ALKBH8: variants seen among roughly 807,000 people sequenced by gnomAD.
The protein encoded by ALKBH8 is tRNA (carboxymethyluridine(34)-5-O)-methyltransferase ALKBH8.
ALKBH8 carries 36 observed loss-of-function variants against 59.8 expected under a neutral mutation model. The ratio of observed to expected loss-of-function variants is 0.60; its 90% CI spans 0.46 to 0.79. The LOEUF (loss-of-function observed/expected upper bound fraction) is 0.79. ALKBH8 is among the 30% of genes least tolerant of loss of function. ALKBH8 has a pLI of 0.00. For missense variants in ALKBH8, 768 were observed against 801.0 expected (o/e 0.96, Z 0.50); for synonymous variants, 276 against 273.6 (o/e 1.01, Z -0.09).
Position 107,504,659 on chromosome 11 carries a change from C to T in ALKBH8, c.1994G>A (p.Ter665=), listed in dbSNP as rs1350103838. 1 of 1,543,944 alleles carries T rather than the reference C, an allele frequency of 6.5e-7. No individual in the cohort carries two copies. The highest frequency in any genetic ancestry group is 2.0e-5 in the Admixed American group (1 of 49,142). The part of the protein sequence containing the change: ...GNWCVILQKA[*] ...TATATGATGTGTTCAGGTAAATAAT[C>T]AGGCCTTTTGAAGAATCACACACCA... Residue 665 remains the stop codon, a stop_retained_variant, in exon 12 of 12, where the codon TGA becomes TAA. Coordinates refer to ENST00000428149, the MANE Select transcript of ALKBH8 (RefSeq NM_138775.3).
intron 8 of ALKBH8, among the ~76,000 whole-genome samples, chr11:107,526,114 C>T (rs1863342342): frequency 6.6e-6 from 1 of 151,972 alleles, no homozygotes; most frequent in South Asian, 2.1e-4. Context: ...TCTTGGGTAA[C>T]TACCTAGGAG....
At chr11:107,553,746 C>T in intron 4 of ALKBH8, 101 bp downstream of exon 4, 4 of 1,294,242 alleles carry the variant, frequency 3.1e-6, no homozygotes, top group Non-Finnish European at 4.2e-6. Flanking sequence ...GGGCTAGTTT[C>T]AGTAATTTTG....
intron 9 of ALKBH8, among the ~76,000 whole-genome samples, chr11:107,523,222 G>A (rs556590523): frequency 2.0e-5 from 3 of 152,242 alleles, no homozygotes; most frequent in South Asian, 4.1e-4. Flanking sequence ...GCCTATCAGT[G>A]AATGAATGGA....
intron 10 of ALKBH8, among the ~76,000 whole-genome samples, chr11:107,516,930 G>A (rs477206): frequency 0.54 from 81,232 of 151,828 alleles, 22,398 homozygotes; most frequent in Non-Finnish European, 0.57. Flanking sequence ...AGGCTGAGGT[G>A]GGAGGATCAA....
chr11:107,541,322 A>G (rs1276581098), intron 7 of ALKBH8, among the ~76,000 whole-genome samples: 1 of 152,220 alleles, frequency 6.6e-6, no homozygotes, highest in Non-Finnish European at 1.5e-5. Flanking sequence ...TAAGACAGAA[A>G]GCACCGAAAT....
At chr11:107,515,675 T>C (rs1862833841) in intron 10 of ALKBH8, among the ~76,000 whole-genome samples, 1 of 152,084 alleles carries the variant, frequency 6.6e-6, no homozygotes, top group South Asian at 2.1e-4. Context: ...TATATAATTT[T>C]TAAAAACCTC....
At position 107,560,788 on chromosome 11, in the gene ALKBH8, C is replaced by T. The variant is rs757509230; in HGVS notation, c.106G>A (p.Glu36Lys). 1.3e-5 allele frequency: 21 copies of T among 1,612,852 alleles called. No individual in the cohort carries two copies. The East Asian group carries it at 4.0e-4, about 31-fold the overall frequency. Reference protein sequence around the residue: ...KHTLLRHEGIETVSYATQSLV... With the variant: ...KHTLLRHEGIKTVSYATQSLV... ...ACCTGAGTGGCATAGGATACTGTCT[C>T]AATGCCTTCATGTCTCAGCAAAGTA... The change falls in exon 2 of 12, where the codon GAG (glutamate) becomes AAG (lysine). Residue 36 changes from glutamate (E) to lysine (K), a missense_variant. By Grantham distance (56) the Glu-to-Lys change is moderately conservative. Coordinates refer to ENST00000428149, the MANE Select transcript of ALKBH8 (RefSeq NM_138775.3).
chr11:107,510,216 C>A (rs1038354578), intron 11 of ALKBH8, among the ~76,000 whole-genome samples: 2 of 152,008 alleles, frequency 1.3e-5, no homozygotes, highest in Non-Finnish European at 2.9e-5. Flanking sequence ...GCTGGTGACC[C>A]ATAAGGTGAG....
rs750978671 is a variant in ALKBH8, at chr11:107,532,549, G to C, written c.772-143C>G. ...GCTTGCAGAAAAGCATAGCACAGTG[G>C]TTCTCAAACTTTACTGTACATGAGA... On this transcript the variant is annotated intron_variant, in intron 7 of 11. Coordinates refer to ENST00000428149, the MANE Select transcript of ALKBH8 (RefSeq NM_138775.3). 1.1e-5 allele frequency: 7 copies of C among 617,334 alleles called. No homozygotes were observed. The South Asian group carries it at 1.3e-4, about 11-fold the overall frequency. The allele number at this position is 617,334 out of a possible 1,614,324, so 38.2% of individuals were successfully genotyped here.
At chr11:107,532,155 A>C in intron 8 of ALKBH8, 145 bp downstream of exon 8, 1 of 567,376 alleles carries the variant, frequency 1.8e-6, no homozygotes, top group East Asian at 3.2e-5. Context: ...AATGTTTAAC[A>C]AAAACGAAAC....
At chr11:107,524,333 G>A (rs1308874521) in intron 9 of ALKBH8, among the ~76,000 whole-genome samples, 1 of 151,938 alleles carries the variant, frequency 6.6e-6, no homozygotes, top group Non-Finnish European at 1.5e-5. Context: ...CAAAGTGCTG[G>A]GATTACAGGC....
At chr11:107,516,061 C>A (rs527687566) in intron 10 of ALKBH8, among the ~76,000 whole-genome samples, 157 of 152,322 alleles carry the variant, frequency 1.0e-3, no homozygotes, top group African/African-American at 3.7e-3. Flanking sequence ...AAAGCAGATT[C>A]TTTGTAGCAC....
At chr11:107,510,531 G>A (rs902901287) in intron 11 of ALKBH8, among the ~76,000 whole-genome samples, 2 of 152,146 alleles carry the variant, frequency 1.3e-5, no homozygotes, top group Admixed American at 6.5e-5. Flanking sequence ...AGTCTGAGGA[G>A]AGAGTATACT....
chr11:107,513,760 G>A (rs1862737270), intron 10 of ALKBH8, among the ~76,000 whole-genome samples: 1 of 152,136 alleles, frequency 6.6e-6, no homozygotes, highest in South Asian at 2.1e-4. Context: ...GGACCTGGAG[G>A]CCATTACCCT....
rs758128485 is a variant in ALKBH8, at chr11:107,553,974, C to T, written c.372G>A (p.Gln124=). ...AGGCTTGAGGCCTCAACTCCTTCCA[C>T]TGCACTATGGGAAACCAAATTAAAA... ...TLYLNFVEKV[Q]WKELRPQALP... The change falls in exon 4 of 12, where the codon CAG becomes CAA. Residue 124 remains glutamine, a synonymous_variant. Transcript: ENST00000428149. 1.2e-5 allele frequency: 20 copies of T among 1,613,518 alleles called. No individual in the cohort carries two copies. The South Asian group carries it at 2.1e-4, about 17-fold the overall frequency.
chr11:107,552,989 A>G, intron 5 of ALKBH8, 119 bp downstream of exon 5: 2 of 651,542 alleles, frequency 3.1e-6, no homozygotes, highest in Non-Finnish European at 2.4e-6. Flanking sequence ...TGTTTTAAAT[A>G]AACTGTTCAG....
intron 11 of ALKBH8, among the ~76,000 whole-genome samples, chr11:107,510,295 C>T (rs1024458919): frequency 4.0e-5 from 6 of 151,638 alleles, no homozygotes; most frequent in Non-Finnish European, 8.8e-5. Context: ...GTCTTTTGTT[C>T]TTTAAAGAAA....
intron 6 of ALKBH8, 68 bp downstream of exon 6, chr11:107,551,740 T>C: frequency 4.7e-6 from 3 of 638,112 alleles, no homozygotes; most frequent in Non-Finnish European, 7.3e-6. Context: ...ATATCTGCCC[T>C]TAGAGAATTA....
At position 107,522,416 on chromosome 11, in the gene ALKBH8, T is replaced by C. The variant is rs1863154521; in HGVS notation, c.1170A>G (p.Arg390=). 1.7e-5 allele frequency: 26 copies of C among 1,551,802 alleles called. No individual in the cohort carries two copies. The highest frequency in any genetic ancestry group is 2.3e-5 in the Non-Finnish European group (26 of 1,147,000). ...EEIAGHFSST[R]HTPWPHIVEF... is the part of the protein sequence containing the mutation. ...CCACAATGTGCGGCCAAGGGGTATGTCTTGTGCTGCTGAAGTGCCCAGCAA... is the reference window on the plus strand; with the variant it reads ...CCACAATGTGCGGCCAAGGGGTATGCCTTGTGCTGCTGAAGTGCCCAGCAA... The change falls in exon 10 of 12, where the codon AGA becomes AGG. Residue 390 remains arginine (R), a synonymous_variant. Coordinates refer to ENST00000428149, the MANE Select transcript of ALKBH8 (RefSeq NM_138775.3).
Sources: allele counts gnomAD v4.1 joint callset (sites outside exome capture counted in the v4.1 genomes callset), GRCh38; gene constraint gnomAD v4.1.1; transcripts MANE v1.5; gene names NCBI Gene and HGNC (gene_info 2026-07-23, HGNC 2026-07-21).